CDH2: variants seen among roughly 807,000 people sequenced by gnomAD.
The protein encoded by CDH2 is cadherin 2, also known as cadherin-2.
Under a neutral mutation model 92.0 loss-of-function variants are expected in CDH2, and 17 were observed. The observed-to-expected ratio is 0.18, with a 90% CI of 0.13 to 0.28. The LOEUF (loss-of-function observed/expected upper bound fraction) is 0.28, where lower values mean the gene tolerates loss of function less well. Ranked by LOEUF, CDH2 falls within the 10% of genes least tolerant of loss-of-function variation. The pLI, the probability that CDH2 is intolerant of heterozygous loss-of-function variation, is 1.00. For synonymous variants in CDH2, 419 were observed against 415.9 expected (o/e 1.01, Z -0.09); for missense variants, 862 against 1,133.1 (o/e 0.76, Z 3.44).
At chr18:27,953,111 C>G (rs1403032866) in intron 15 of CDH2, among the ~76,000 whole-genome samples, 2 of 152,070 alleles carry the variant, frequency 1.3e-5, no homozygotes, top group Non-Finnish European at 1.5e-5. Context: ...AATAGGGTAT[C>G]TTCTAACTTC....
chr18:27,990,540 T>G (rs2012383811), intron 9 of CDH2, among the ~76,000 whole-genome samples, 190 bp from the exon 10 acceptor site: 2 of 152,218 alleles, frequency 1.3e-5, no homozygotes, highest in Admixed American at 1.3e-4. Flanking sequence ...CAATTTAACC[T>G]AATTATAAAT....
chr18:27,975,920 C>A (rs1018163036), intron 14 of CDH2, among the ~76,000 whole-genome samples: 1 of 152,152 alleles, frequency 6.6e-6, no homozygotes, highest in Admixed American at 6.5e-5. Context: ...CAAGTCACCT[C>A]TCTGCCCCTC....
chr18:27,957,349 A>C (rs1007283020), intron 15 of CDH2, among the ~76,000 whole-genome samples: 1 of 152,234 alleles, frequency 6.6e-6, no homozygotes, highest in African/African-American at 2.4e-5. Flanking sequence ...TCCTGGGCTC[A>C]GGTGATCCTC....
At chr18:28,111,639 C>T (rs541152013) in intron 2 of CDH2, among the ~76,000 whole-genome samples, 1 of 152,198 alleles carries the variant, frequency 6.6e-6, no homozygotes, top group East Asian at 1.9e-4. Context: ...TGAAGTCAAA[C>T]CCTGGCAGAA....
At chr18:28,080,200 T>A (rs575919488) in intron 2 of CDH2, among the ~76,000 whole-genome samples, 1 of 152,180 alleles carries the variant, frequency 6.6e-6, no homozygotes, top group African/African-American at 2.4e-5. Context: ...AAGAGAGAAT[T>A]AGCAATAAAG....
intron 2 of CDH2, among the ~76,000 whole-genome samples, chr18:28,143,997 G>A (rs908260200): frequency 1.3e-4 from 19 of 151,970 alleles, no homozygotes; most frequent in Admixed American, 7.9e-4. Context: ...GGAACTGTCG[G>A]TGGGTGGAGG....
chr18:27,985,873 T>C (rs1236309211), intron 11 of CDH2, 112 bp from the exon 12 acceptor site: 4 of 655,526 alleles, frequency 6.1e-6, no homozygotes, highest in South Asian at 2.0e-5. Flanking sequence ...CTGTGTAACC[T>C]TGGAAAAACA....
chr18:28,068,163 C>G (rs1377822383), intron 2 of CDH2, among the ~76,000 whole-genome samples: 1 of 152,196 alleles, frequency 6.6e-6, no homozygotes, highest in Non-Finnish European at 1.5e-5. Context: ...TGAGTCCATA[C>G]AAATCAGCCT....
intron 2 of CDH2, among the ~76,000 whole-genome samples, chr18:28,121,290 C>G (rs1006153715): frequency 1.3e-5 from 2 of 152,126 alleles, no homozygotes; most frequent in Admixed American, 1.3e-4. Flanking sequence ...CACAACCACT[C>G]TATTTAAACT....
chr18:28,065,714 T>C (rs2014493576), intron 2 of CDH2, among the ~76,000 whole-genome samples: 2 of 152,208 alleles, frequency 1.3e-5, no homozygotes, highest in Admixed American at 1.3e-4. Context: ...TTGTCATCTT[T>C]ATCATCATTA....
chr18:28,129,328 A>T (rs993762649), intron 2 of CDH2, among the ~76,000 whole-genome samples: 4 of 152,258 alleles, frequency 2.6e-5, no homozygotes, highest in Admixed American at 6.5e-5. Context: ...ACCTGCATAT[A>T]AAAACCTATC....
At chr18:27,955,759 C>CTTTTTTTTTTTTTTTTTTTTTTTTTTTT (rs1219088194) in intron 15 of CDH2, among the ~76,000 whole-genome samples, 1 of 25,942 alleles carries the variant, frequency 3.9e-5, no homozygotes, top group African/African-American at 7.9e-5. Context: ...TTCTTTATTT[C>CTTTTTTTTTTTTTTTTTTTTTTTTTTTT]TGTTTTTTTT....
intron 2 of CDH2, among the ~76,000 whole-genome samples, chr18:28,132,714 A>G (rs2015793034): frequency 6.6e-6 from 1 of 152,180 alleles, no homozygotes; most frequent in Non-Finnish European, 1.5e-5. Flanking sequence ...TAAAAAATGA[A>G]TCTCAGGGGA....
Position 28,062,845 on chromosome 18 carries a change from T to C in CDH2, c.173-48936A>G, listed in dbSNP as rs1013553244. Among the ~76,000 whole-genome samples the C allele has an allele frequency of 3.9e-4, 59 of 152,020 alleles. 1 individual carries two copies. Among genetic ancestry groups the C allele is most frequent in the Admixed American group, 2.0e-4 (3 of 15,274 alleles). On this transcript the variant is annotated intron_variant, in intron 2 of 15. Transcript: ENST00000269141. Reference sequence around the variant, plus strand: ...AAAATTAGCTGGGAGTGGTGGCACATGCTTGGAGTCCCAGCTACTCCGGAG... The same window carrying C: ...AAAATTAGCTGGGAGTGGTGGCACACGCTTGGAGTCCCAGCTACTCCGGAG...
chr18:27,964,582 C>CTTT (rs1267779236), intron 14 of CDH2, among the ~76,000 whole-genome samples: 1 of 152,132 alleles, frequency 6.6e-6, no homozygotes, highest in African/African-American at 2.4e-5. Context: ...CTTTTAAAAC[C>CTTT]TTTTGCAGTT....
intron 1 of CDH2, among the ~76,000 whole-genome samples, chr18:28,175,021 T>G (rs1453851380): frequency 6.6e-6 from 1 of 152,214 alleles, no homozygotes; most frequent in Non-Finnish European, 1.5e-5. Flanking sequence ...CCATTTAACT[T>G]CAAATACTTT....
rs578128215 is a variant in CDH2, at chr18:28,158,946, G to A, written c.61-11162C>T. On this transcript the variant is annotated intron_variant, in intron 1 of 15. Coordinates refer to ENST00000269141, the MANE Select transcript of CDH2 (RefSeq NM_001792.5). ...TCATACAAATTGTTATTTATGTTAC[G>A]CATACAACTGGTTTAATATTTTAAG... is the stretch of plus-strand genomic sequence containing the variant. Among the ~76,000 whole-genome samples, 171 of 152,156 alleles carry A rather than the reference G, an allele frequency of 1.1e-3. 1 individual carries two copies. The highest frequency in any genetic ancestry group is 3.8e-3 in the African/African-American group (156 of 41,508).
At chr18:28,133,833 G>A (rs2015816277) in intron 2 of CDH2, among the ~76,000 whole-genome samples, 1 of 151,906 alleles carries the variant, frequency 6.6e-6, no homozygotes, top group Admixed American at 6.6e-5. Context: ...GCTTCATGAT[G>A]GCTACATTTG....
At chr18:28,035,660 T>C (rs907762101) in intron 2 of CDH2, among the ~76,000 whole-genome samples, 2 of 152,112 alleles carry the variant, frequency 1.3e-5, no homozygotes, top group African/African-American at 4.8e-5. Context: ...ATTCCACTTA[T>C]AATAAATGAG....
Sources: gnomAD v4.1 joint callset for allele counts (sites outside exome capture counted in the v4.1 genomes callset) on GRCh38, gnomAD v4.1.1 for gene constraint, MANE v1.5 for transcripts, NCBI Gene and HGNC (gene_info 2026-07-23, HGNC 2026-07-21) for gene names.